ZC3H14: variants seen among roughly 807,000 people sequenced by gnomAD.
ZC3H14 encodes zinc finger CCCH domain-containing protein 14.
ZC3H14 carries 31 observed loss-of-function variants against 92.4 expected under a neutral mutation model. The observed-to-expected ratio is 0.34, with a 90% CI of 0.25 to 0.45. The LOEUF (loss-of-function observed/expected upper bound fraction) is 0.45. Among genes scored for constraint, ZC3H14 ranks in the 20% least tolerant of loss-of-function variants. ZC3H14 has a pLI of 1.00. For synonymous variants in ZC3H14, 321 were observed against 300.9 expected (o/e 1.07, Z -0.69); for missense variants, 781 against 897.3 (o/e 0.87, Z 1.66).
chr14:88,581,233 T>C (rs940013521), intron 9 of ZC3H14, among the ~76,000 whole-genome samples: 2 of 152,150 alleles, frequency 1.3e-5, no homozygotes, highest in African/African-American at 4.8e-5. Context: ...AGTTCCCAGA[T>C]TGTGGTCTTG....
rs370179425 is a variant in ZC3H14, at chr14:88,622,665, C to T, written c.*10914C>T. 1.4e-5 allele frequency: 23 copies of T among 1,611,018 alleles called. No individual in the cohort carries two copies. The highest frequency in any genetic ancestry group is 3.4e-5 in the Admixed American group (2 of 59,666). ...TTGTCCTGTCTCAAGCCTGAAGGCA[C>T]GGCACCGCCTCAGTTCCTGATCCCA... On this transcript the variant is annotated 3_prime_UTR_variant, in exon 17 of 17. Transcript: ENST00000251038.
At chr14:88,585,975 C>G (rs1044832645) in intron 9 of ZC3H14, among the ~76,000 whole-genome samples, 1 of 152,136 alleles carries the variant, frequency 6.6e-6, no homozygotes, top group Non-Finnish European at 1.5e-5. Flanking sequence ...TCGAGACCAG[C>G]CTGACCATAT....
rs2087607017 is a variant in ZC3H14, at chr14:88,616,326, C to G, written c.*4575C>G. 4 of 1,331,442 alleles carry G rather than the reference C, an allele frequency of 3.0e-6. No individual in the cohort carries two copies. The highest frequency in any genetic ancestry group is 4.3e-6 in the Non-Finnish European group (4 of 927,600). The allele number at this position is 1,331,442 out of a possible 1,614,324, so 82.5% of individuals were successfully genotyped here. On this transcript the variant is annotated 3_prime_UTR_variant, in exon 17 of 17. Transcript: ENST00000251038. ...TTATTAGGAACTATAATCTCTATGA[C>G]AAGAGCTGTGGAGAGAGTAGGGAGT...
At chr14:88,582,614 CTT>C (rs1389112647) in intron 9 of ZC3H14, among the ~76,000 whole-genome samples, 2 of 152,182 alleles carry the variant, frequency 1.3e-5, no homozygotes, top group African/African-American at 2.4e-5. Context: ...GACGTTCTCT[CTT>C]TTGACTTGGA....
intron 10 of ZC3H14, among the ~76,000 whole-genome samples, chr14:88,600,529 C>T (rs1234967010): frequency 2.0e-5 from 3 of 151,740 alleles, no homozygotes; most frequent in Non-Finnish European, 2.9e-5. Context: ...GCAGCCTTGA[C>T]CTCCTGGGCC....
chr14:88,568,429 G>A (rs2079971987), intron 3 of ZC3H14, among the ~76,000 whole-genome samples: 1 of 152,250 alleles, frequency 6.6e-6, no homozygotes, highest in South Asian at 2.1e-4. Context: ...TTCTTCACAA[G>A]TCGACAGGAA....
At position 88,611,887 on chromosome 14, in the gene ZC3H14, T is replaced by TATC; in HGVS notation, c.*137_*139dup. 2.5e-6 allele frequency: 3 copies of TATC among 1,190,346 alleles called. No individual in the cohort carries two copies. The highest frequency in any genetic ancestry group is 4.9e-5 in the East Asian group (2 of 40,754). The allele number at this position is 1,190,346 out of a possible 1,614,324, so 73.7% of individuals were successfully genotyped here. On this transcript the variant is annotated 3_prime_UTR_variant, in exon 17 of 17. Coordinates refer to ENST00000251038, the MANE Select transcript of ZC3H14 (RefSeq NM_024824.5). Reference sequence around the variant, plus strand: ...ATAATATGAAGTTTTATTGCCTATCTATCTGAAGTGTCTAATTTTTCAAGT... The same window carrying TATC: ...ATAATATGAAGTTTTATTGCCTATCTATCATCTGAAGTGTCTAATTTTTCAAGT...
intron 9 of ZC3H14, among the ~76,000 whole-genome samples, chr14:88,584,968 A>G (rs966497695): frequency 6.6e-6 from 1 of 152,226 alleles, no homozygotes; most frequent in East Asian, 1.9e-4. Flanking sequence ...AAGAAAAAGA[A>G]AAAAATGTAT....
chr14:88,575,052 T>C (rs188862825), intron 7 of ZC3H14, among the ~76,000 whole-genome samples, 199 bp downstream of exon 7: 1 of 152,202 alleles, frequency 6.6e-6, no homozygotes, highest in Non-Finnish European at 1.5e-5. Flanking sequence ...TTCTCCTGAT[T>C]GAGCCTCCTG....
At chr14:88,566,718 G>C (rs1257824099) in intron 2 of ZC3H14, among the ~76,000 whole-genome samples, 2 of 152,062 alleles carry the variant, frequency 1.3e-5, no homozygotes, top group African/African-American at 4.8e-5. Context: ...TCAGGAGTTC[G>C]AGACCAGCCT....
rs1373092081 is a variant in ZC3H14 at position 88,572,707 on chromosome 14, C to A, written c.561C>A (p.Asn187Lys). The part of the protein sequence containing the change: ...EPDDLIDEDL[N>K]FVQENPLSQK... ...ATGATCTCATTGACGAAGACCTCAACTTTGTGCAGGAGAATCCCTTATCTC... is the reference window on the plus strand; with the variant it reads ...ATGATCTCATTGACGAAGACCTCAAATTTGTGCAGGAGAATCCCTTATCTC... Residue 187 changes from asparagine to lysine, a missense_variant, in exon 6 of 17, where the codon AAC becomes AAA. Transcript: ENST00000251038. 1 of 1,614,212 alleles carries A rather than the reference C, an allele frequency of 6.2e-7. No individual in the cohort carries two copies. Among genetic ancestry groups the A allele is most frequent in the Non-Finnish European group, 8.5e-7 (1 of 1,180,038 alleles).
In ZC3H14 at chr14:88,598,294, G is replaced by A. The variant is rs2084136537; in HGVS notation, c.1354+1486G>A. Among the ~76,000 whole-genome samples the A allele has an allele frequency of 2.0e-5, 3 of 152,254 alleles. 1 individual carries two copies. The South Asian group carries it at 6.2e-4, about 32-fold the overall frequency. ...TTTGTCCTGCCTGTCTGGTTTGTGG[G>A]CACCCTGATGTCACTGCCTTCAAGA... On this transcript the variant is annotated intron_variant, in intron 10 of 16. Coordinates refer to ENST00000251038, the MANE Select transcript of ZC3H14 (RefSeq NM_024824.5).
chr14:88,592,031 C>G (rs1185962271), intron 9 of ZC3H14: 2 of 152,178 alleles, frequency 1.3e-5, no homozygotes, highest in Non-Finnish European at 1.5e-5. Context: ...GCTTTCTCTG[C>G]TGATGAATAT....
intron 9 of ZC3H14, among the ~76,000 whole-genome samples, chr14:88,582,374 G>A (rs531517179): frequency 3.9e-5 from 6 of 152,192 alleles, no homozygotes; most frequent in East Asian, 3.9e-4. Flanking sequence ...GTGTGCAGCC[G>A]GAAAAATAGT....
At chr14:88,594,784 C>A in intron 9 of ZC3H14, 1 of 1,614,070 alleles carries the variant, frequency 6.2e-7, no homozygotes, top group Non-Finnish European at 8.5e-7. Flanking sequence ...TCCACCGGAG[C>A]CAGTGGACTT....
At chr14:88,609,893 G>A in intron 15 of ZC3H14, 90 bp downstream of exon 15, 2 of 1,394,546 alleles carry the variant, frequency 1.4e-6, no homozygotes, top group South Asian at 1.2e-5. Context: ...CTACATTGGT[G>A]CAAAAGTAAT....
chr14:88,610,159 C>T (rs1414044947), intron 15 of ZC3H14, among the ~76,000 whole-genome samples: 1 of 152,118 alleles, frequency 6.6e-6, no homozygotes, highest in Non-Finnish European at 1.5e-5. Context: ...TGCTTAAAAC[C>T]ATCCAAACTT....
intron 3 of ZC3H14, among the ~76,000 whole-genome samples, chr14:88,568,714 C>T (rs1266623789): frequency 6.6e-6 from 1 of 152,132 alleles, no homozygotes; most frequent in Non-Finnish European, 1.5e-5. Flanking sequence ...TGTGTCTTGC[C>T]TTGGTTTCTC....
chr14:88,579,866 T>C (rs2081657451), intron 9 of ZC3H14, among the ~76,000 whole-genome samples: 1 of 151,254 alleles, frequency 6.6e-6, no homozygotes, highest in African/African-American at 2.4e-5. Context: ...CAAAGTGAGC[T>C]AGAAGACATT....
Sources: allele counts gnomAD v4.1 joint callset (sites outside exome capture counted in the v4.1 genomes callset), GRCh38; gene constraint gnomAD v4.1.1; transcripts MANE v1.5; gene names NCBI Gene and HGNC (gene_info 2026-07-23, HGNC 2026-07-21).